The following RAB38 variants were observed in gnomAD, a reference collection of about 807,000 sequenced individuals.
RAB38 encodes the protein ras-related protein Rab-38.
RAB38 carries 15 observed loss-of-function variants against 18.4 expected under a neutral mutation model. That is an observed-to-expected ratio of 0.82 (90% CI 0.55 to 1.26). RAB38 has a LOEUF of 1.26. RAB38 is among the 50% of genes most tolerant of loss of function. The pLI is 0.00. For missense variants in RAB38, 294 were observed against 267.4 expected, an observed-to-expected ratio of 1.10 and a Z score of -0.69; for synonymous variants, 101 against 104.4, an observed-to-expected ratio of 0.97 and a Z score of 0.20.
chr11:88,005,687 T>G, the RAB38 span, among the ~76,000 whole-genome samples: 1 of 149,736 alleles, frequency 6.7e-6, no homozygotes. Context: ...AGCAATGTCT[T>G]GGAGCTTTTC....
At chr11:87,964,423 AGGCTT>A in the RAB38 span, among the ~76,000 whole-genome samples, 1 of 152,158 alleles carries the variant, frequency 6.6e-6, no homozygotes, top group African/African-American at 2.4e-5. Flanking sequence ...CTTGAGGCCT[AGGCTT>A]GAAACTGGTA....
intron 1 of RAB38, 141 bp from the exon 2 acceptor site, chr11:88,150,096 A>G: frequency 1.1e-6 from 1 of 877,702 alleles, no homozygotes; most frequent in South Asian, 1.7e-5. Context: ...GAGCGAACTA[A>G]ATATGCAATC....
chr11:87,963,200 T>C, the RAB38 span, among the ~76,000 whole-genome samples: 1 of 152,130 alleles, frequency 6.6e-6, no homozygotes, highest in Non-Finnish European at 1.5e-5. Context: ...AATACACACA[T>C]ACATACAAAC....
At chr11:87,842,818 A>G in the RAB38 span, among the ~76,000 whole-genome samples, 971 of 4,180 alleles carry the variant, frequency 0.23, 4 homozygotes, top group African/African-American at 0.4. Flanking sequence ...ACGCGCGCGC[A>G]CACACACACA....
the RAB38 span, among the ~76,000 whole-genome samples, chr11:88,102,834 A>G: frequency 6.6e-6 from 1 of 152,026 alleles, no homozygotes; most frequent in Non-Finnish European, 1.5e-5. Context: ...CCTAACAAGC[A>G]TTTACAGCAG....
chr11:87,853,524 G>C, the RAB38 span, among the ~76,000 whole-genome samples: 1 of 152,156 alleles, frequency 6.6e-6, no homozygotes, highest in African/African-American at 2.4e-5. Context: ...TATTGTTTAG[G>C]CTACACAGTC....
the RAB38 span, among the ~76,000 whole-genome samples, chr11:88,027,371 G>T: frequency 2.0e-5 from 3 of 152,136 alleles, no homozygotes; most frequent in African/African-American, 7.2e-5. Context: ...GACAGTGGGC[G>T]CAGGTCAGTG....
At chr11:88,126,703 T>TA (rs35278430) in intron 2 of RAB38, among the ~76,000 whole-genome samples, 15 of 150,708 alleles carry the variant, frequency 1.0e-4, no homozygotes, top group East Asian at 3.9e-4. Context: ...AGTATAATAA[T>TA]AAAAAAAAAA....
the RAB38 span, among the ~76,000 whole-genome samples, chr11:87,868,998 A>T: frequency 6.6e-6 from 1 of 151,714 alleles, no homozygotes; most frequent in Non-Finnish European, 1.5e-5. Context: ...ATTCCCACAA[A>T]AAACAGACTG....
At chr11:88,157,725 G>A (rs1943142808) in intron 1 of RAB38, among the ~76,000 whole-genome samples, 1 of 152,140 alleles carries the variant, frequency 6.6e-6, no homozygotes, top group African/African-American at 2.4e-5. Context: ...AAAACAACTT[G>A]CTTTTGAATG....
chr11:88,004,868 T>G, the RAB38 span, among the ~76,000 whole-genome samples: 2 of 151,322 alleles, frequency 1.3e-5, no homozygotes, highest in South Asian at 4.1e-4. Context: ...AAAATAAATT[T>G]TATAAAGTTT....
the RAB38 span, among the ~76,000 whole-genome samples, chr11:88,067,847 G>A: frequency 1.3e-4 from 19 of 151,750 alleles, no homozygotes; most frequent in Middle Eastern, 3.4e-3. Context: ...GCAAACCACC[G>A]TGGCACATGT....
At chr11:87,954,670 CAGGAA>C in the RAB38 span, among the ~76,000 whole-genome samples, 5 of 151,992 alleles carry the variant, frequency 3.3e-5, no homozygotes, top group African/African-American at 1.2e-4. Context: ...ATCAGCTGCT[CAGGAA>C]GGCAGGACCA....
the RAB38 span, among the ~76,000 whole-genome samples, chr11:87,914,712 C>T: frequency 2.6e-5 from 4 of 152,148 alleles, no homozygotes; most frequent in Non-Finnish European, 5.9e-5. Context: ...ATTTTCCAGG[C>T]TGCCCCTCCC....
At chr11:88,029,141 C>T in the RAB38 span, among the ~76,000 whole-genome samples, 1,258 of 151,460 alleles carry the variant, frequency 8.3e-3, 16 homozygotes, top group African/African-American at 0.028. Flanking sequence ...GCTTCATAAG[C>T]GAAGGAGAAA....
chr11:88,160,990 G>C (rs1220140842), intron 1 of RAB38, among the ~76,000 whole-genome samples: 1 of 146,382 alleles, frequency 6.8e-6, no homozygotes, highest in Non-Finnish European at 1.5e-5. Context: ...TATAATAAAA[G>C]TTTAGAGAAA....
chr11:88,147,103 G>A (rs1196620900), intron 2 of RAB38, among the ~76,000 whole-genome samples: 2 of 152,182 alleles, frequency 1.3e-5, no homozygotes, highest in Non-Finnish European at 2.9e-5. Flanking sequence ...CTTCCCCACA[G>A]ATTCATAGGC....
At chr11:87,864,577 G>T in the RAB38 span, among the ~76,000 whole-genome samples, 1 of 151,364 alleles carries the variant, frequency 6.6e-6, no homozygotes. Context: ...TTACTTTTTT[G>T]ACAGCAAATG....
the RAB38 span, among the ~76,000 whole-genome samples, chr11:87,849,520 G>A: frequency 6.6e-6 from 1 of 152,102 alleles, no homozygotes; most frequent in Non-Finnish European, 1.5e-5. Context: ...TAGTGTCAGT[G>A]TGGCAGCATC....
Sources: gnomAD v4.1 joint callset for allele counts (sites outside exome capture counted in the v4.1 genomes callset) on GRCh38, gnomAD v4.1.1 for gene constraint, MANE v1.5 for transcripts, NCBI Gene and HGNC (gene_info 2026-07-23, HGNC 2026-07-21) for gene names.